The following CD109 variants were observed in gnomAD, a reference collection of about 807,000 sequenced individuals.
The protein encoded by CD109 is CD109 molecule.
A neutral mutation model predicts 165.8 loss-of-function variants in CD109; 149 were observed. The observed-to-expected ratio is 0.90, with a 90% confidence interval of 0.79 to 1.03. CD109 has a LOEUF of 1.03. Ranked by LOEUF, CD109 falls within the 50% of genes least tolerant of loss-of-function variation. The pLI is 0.00. For missense variants in CD109, 1,712 were observed against 1,677.8 expected, an observed-to-expected ratio of 1.02 and a Z score of -0.36; for synonymous variants, 585 against 592.1, an observed-to-expected ratio of 0.99 and a Z score of 0.18.
chr6:73,700,990 A>G (rs1330663749), intron 2 of CD109, among the ~76,000 whole-genome samples: 1 of 150,798 alleles, frequency 6.6e-6, no homozygotes, highest in Non-Finnish European at 1.5e-5. Flanking sequence ...TTTAGTAGAG[A>G]CGAGGTTTCA....
intron 2 of CD109, among the ~76,000 whole-genome samples, chr6:73,721,660 C>A (rs1373217996): frequency 6.6e-6 from 1 of 151,936 alleles, no homozygotes; most frequent in Non-Finnish European, 1.5e-5. Context: ...CACCCACGCC[C>A]GGCCAGTAAT....
intron 2 of CD109, among the ~76,000 whole-genome samples, chr6:73,713,487 A>G (rs1004812060): frequency 3.3e-5 from 5 of 152,026 alleles, no homozygotes; most frequent in Non-Finnish European, 7.4e-5. Flanking sequence ...TCCTTGCCTC[A>G]AGGGATCCTT....
chr6:73,694,790 C>T (rs1484877101), upstream of CD109: 2 of 152,366 alleles, frequency 1.3e-5, no homozygotes, highest in African/African-American at 4.8e-5. Context: ...CCATGGTCCT[C>T]CTCTCTGAAC....
At position 73,827,382 on chromosome 6, in the gene CD109, A is replaced by T. The variant is rs1257967449; in HGVS notation, c.*3749A>T. On this transcript the variant is annotated 3_prime_UTR_variant, in exon 33 of 33. Transcript: ENST00000287097. ...GAGGCTTCTGTCGGACAGGCAGAAGAGTGTATTCCTCACTTTTTTTTTTGT... is the reference window on the plus strand; with the variant it reads ...GAGGCTTCTGTCGGACAGGCAGAAGTGTGTATTCCTCACTTTTTTTTTTGT... 1 of 151,844 alleles carries T rather than the reference A, an allele frequency of 6.6e-6. No individual in the cohort carries two copies. Among genetic ancestry groups the T allele is most frequent in the African/African-American group, 2.4e-5 (1 of 41,348 alleles). 9.4% of individuals were successfully genotyped at this position (151,844 alleles called of 1,614,324 possible).
chr6:73,818,311 T>A, intron 30 of CD109, 77 bp from the exon 31 acceptor site: 1 of 1,499,006 alleles, frequency 6.7e-7, no homozygotes, highest in Non-Finnish European at 9.2e-7. Flanking sequence ...TGGGTTTGAT[T>A]TTTGTATGAA....
intron 24 of CD109, among the ~76,000 whole-genome samples, chr6:73,805,290 C>T (rs1002220416): frequency 1.3e-5 from 2 of 152,236 alleles, no homozygotes; most frequent in African/African-American, 4.8e-5. Context: ...CTCTCTGAAA[C>T]ATGTGCTGTG....
chr6:73,730,966 CAG>C (rs1562035291), intron 4 of CD109, among the ~76,000 whole-genome samples: 6 of 151,488 alleles, frequency 4.0e-5, no homozygotes. Context: ...TATAAAGGGA[CAG>C]ATATGTATGT....
intron 23 of CD109, among the ~76,000 whole-genome samples, chr6:73,801,396 T>G (rs1003477069): frequency 6.6e-6 from 1 of 152,266 alleles, no homozygotes; most frequent in Non-Finnish European, 1.5e-5. Flanking sequence ...GGCTAATTAC[T>G]GCACCGTAAT....
chr6:73,753,564 A>G (rs1424519197), intron 5 of CD109, among the ~76,000 whole-genome samples: 1 of 152,166 alleles, frequency 6.6e-6, no homozygotes, highest in African/African-American at 2.4e-5. Flanking sequence ...TTGGGAAGAC[A>G]TTGTGTAGTA....
chr6:73,691,595 T>C (rs182553486), upstream of CD109, among the ~76,000 whole-genome samples: 2 of 152,274 alleles, frequency 1.3e-5, no homozygotes, highest in African/African-American at 4.8e-5. Context: ...GACATGGAAG[T>C]TGGAGGTGGT....
intron 14 of CD109, 48 bp from the exon 15 acceptor site, chr6:73,771,381 T>C: frequency 2.6e-6 from 4 of 1,514,198 alleles, no homozygotes; most frequent in East Asian, 2.3e-5. Context: ...GGCAAGAATA[T>C]GCTTTAAAAA....
At position 73,711,534 on chromosome 6, in the gene CD109, G is replaced by GTTTTTTTTTTTTTT. The variant is rs765302167; in HGVS notation, c.248-11713_248-11700dup. On this transcript the variant is annotated intron_variant, in intron 2 of 32. Transcript: ENST00000287097. The stretch of plus-strand genomic sequence containing the variant: ...TTGTATTTTTAAAATCGTACTTTAA[G>GTTTTTTTTTTTTTT]TTTTTTTTTTTTTTTTTGAGACGGA... Among the ~76,000 whole-genome samples, 69 of 23,484 alleles carry GTTTTTTTTTTTTTT rather than the reference G, an allele frequency of 2.9e-3. 17 individuals carry two copies. Among genetic ancestry groups the GTTTTTTTTTTTTTT allele is most frequent in the East Asian group, 0.018 (19 of 1,034 alleles). 15.4% of individuals were successfully genotyped at this position (23,484 alleles called of 152,430 possible).
chr6:73,821,282 A>G (rs1776099024), intron 32 of CD109, among the ~76,000 whole-genome samples: 1 of 152,150 alleles, frequency 6.6e-6, no homozygotes, highest in Admixed American at 6.5e-5. Context: ...CGTTGTGCAC[A>G]TGTACCCTAG....
At chr6:73,698,443 C>T (rs1770938341) in intron 2 of CD109, among the ~76,000 whole-genome samples, 1 of 151,896 alleles carries the variant, frequency 6.6e-6, no homozygotes, top group Non-Finnish European at 1.5e-5. Flanking sequence ...CCTTGGCCTC[C>T]CAAAGTGCTG....
intron 3 of CD109, among the ~76,000 whole-genome samples, chr6:73,725,807 C>T (rs1772121898): frequency 6.6e-6 from 1 of 152,142 alleles, no homozygotes; most frequent in Non-Finnish European, 1.5e-5. Context: ...GCCACTGCGC[C>T]CAGCCTACTA....
intron 2 of CD109, among the ~76,000 whole-genome samples, chr6:73,704,329 C>T (rs188420370): frequency 6.6e-6 from 1 of 152,176 alleles, no homozygotes; most frequent in Non-Finnish European, 1.5e-5. Context: ...GAGTAGCATG[C>T]CCCTGCAAGC....
intron 1 of CD109, among the ~76,000 whole-genome samples, chr6:73,696,591 C>G (rs1257319936): frequency 6.6e-6 from 1 of 152,226 alleles, no homozygotes; most frequent in African/African-American, 2.4e-5. Context: ...CCTTTTGCTT[C>G]TCAACTTTTT....
intron 5 of CD109, among the ~76,000 whole-genome samples, chr6:73,744,141 A>G (rs924961133): frequency 6.6e-6 from 1 of 152,240 alleles, no homozygotes; most frequent in African/African-American, 2.4e-5. Flanking sequence ...GCCACCATCC[A>G]TCTCCAGAAC....
chr6:73,715,346 C>T (rs891889552), intron 2 of CD109, among the ~76,000 whole-genome samples: 3 of 151,852 alleles, frequency 2.0e-5, no homozygotes, highest in African/African-American at 4.8e-5. Context: ...GAGGATCACT[C>T]GAGCCTAGGA....
Sources: gnomAD v4.1 joint callset for allele counts (sites outside exome capture counted in the v4.1 genomes callset) on GRCh38, gnomAD v4.1.1 for gene constraint, MANE v1.5 for transcripts, NCBI Gene and HGNC (gene_info 2026-07-23, HGNC 2026-07-21) for gene names.